Variants in SZT2 observed in about 807,000 individuals in gnomAD.
The protein encoded by SZT2 is SZT2 subunit of KICSTOR complex.
Under a neutral mutation model 404.2 loss-of-function variants are expected in SZT2, and 216 were observed. That is an observed-to-expected ratio of 0.53 (90% CI 0.48 to 0.60). SZT2 has a LOEUF of 0.60. Among genes scored for constraint, SZT2 ranks in the 20% least tolerant of loss-of-function variants. The probability of loss-of-function intolerance (pLI) is 0.00; values close to 1 mark genes in which losing one functional copy is unlikely to be tolerated. For synonymous variants in SZT2, 1,693 were observed against 1,749.9 expected (o/e 0.97, Z 0.81); for missense variants, 3,857 against 4,459.2 (o/e 0.86, Z 3.85).
rs377246498 is a variant in SZT2, at chr1:43,450,182, G to C, written c.10155+11G>C. 9 of 1,614,010 alleles carry C rather than the reference G, an allele frequency of 5.6e-6. No homozygotes were observed. The African/African-American group carries it at 6.7e-5, about 12-fold the overall frequency. ...CACTTAGGAAAGACGGTAAGAACGA[G>C]TGGGGGGCTTTGTGTCAGCCTCATG... On this transcript the variant is annotated intron_variant, in intron 71 of 71. Transcript: ENST00000634258. This position sits in a 1 kb window ranked among gnomAD's most constrained non-coding sequence, Gnocchi z 4.3.
In SZT2 at chr1:43,422,480, A is replaced by G; in HGVS notation, c.1770A>G (p.Thr590=). Residue 590 remains threonine, a splice_region_variant and synonymous_variant, in exon 13 of 72, where the codon ACA becomes ACG. Coordinates refer to ENST00000634258, the MANE Select transcript of SZT2 (RefSeq NM_001365999.1). ...CCTCAGTCCACACCCCTCTTCCTAG[A>G]CCAATCCCCAAGCACTTGCACACCC... ...HRLVLILEHD[T]PIPKHLHTPG... is the part of the protein sequence containing the mutation. 6.3e-7 allele frequency: 1 copy of G among 1,583,990 alleles called. No homozygotes were observed. Among genetic ancestry groups the G allele is most frequent in the Non-Finnish European group, 8.5e-7 (1 of 1,172,464 alleles).
At position 43,454,073 on chromosome 1, in the gene SZT2, G is replaced by C; in HGVS notation, c.*3593G>C. The C allele has an allele frequency of 8.9e-7, 1 of 1,120,288 alleles. No individual in the cohort carries two copies. The highest frequency in any genetic ancestry group is 1.1e-6 in the Non-Finnish European group (1 of 917,430). 69.4% of individuals were successfully genotyped at this position (1,120,288 alleles called of 1,614,324 possible). On this transcript the variant is annotated 3_prime_UTR_variant, in exon 72 of 72. Transcript: ENST00000634258. ...GAGAAGGTAGGGAGGCCGAGCTCCA[G>C]GGCCTGAGAGCCGGACGCGAAGCAA...
At chr1:43,443,935 C>T in intron 62 of SZT2, 139 bp downstream of exon 62, 1 of 1,034,444 alleles carries the variant, frequency 9.7e-7, no homozygotes, top group Non-Finnish European at 1.4e-6. Flanking sequence ...CAGGCTTGCA[C>T]TCATGTGAGG....
In SZT2 at chr1:43,424,493, C is replaced by T. The variant is rs1331224986; in HGVS notation, c.2471+61C>T. ...AGGAGAGAGCAAGTGTAGACTGGGACACTAGCAAAAAGCCTATAGCACACA... is the reference window on the plus strand; with the variant it reads ...AGGAGAGAGCAAGTGTAGACTGGGATACTAGCAAAAAGCCTATAGCACACA... On this transcript the variant is annotated intron_variant, in intron 16 of 71. Transcript: ENST00000634258. The surrounding 1 kb of genome is among the most constrained non-coding windows in gnomAD (Gnocchi z 4.1). 1 of 1,531,802 alleles carries T rather than the reference C, an allele frequency of 6.5e-7. No homozygotes were observed. Among genetic ancestry groups the T allele is most frequent in the African/African-American group, 1.4e-5 (1 of 73,214 alleles). The allele number at this position is 1,531,802 out of a possible 1,614,324, so 94.9% of individuals were successfully genotyped here. A position where few individuals can be genotyped will look rare whatever the true frequency, so the allele number is the denominator to read the frequency against.
Position 43,453,711 on chromosome 1 carries a change from C to A in SZT2, c.*3231C>A. The A allele has an allele frequency of 7.1e-7, 1 of 1,407,018 alleles. No individual in the cohort carries two copies. The highest frequency in any genetic ancestry group is 9.2e-7 in the Non-Finnish European group (1 of 1,090,974). 87.2% of individuals were successfully genotyped at this position (1,407,018 alleles called of 1,614,324 possible). ...CTCGACGGCCTCGAAGCCCGAGCTG[C>A]CCGCGGCCCGCACCCGCGCGGGGAG... is the stretch of plus-strand genomic sequence containing the variant. On this transcript the variant is annotated 3_prime_UTR_variant, in exon 72 of 72. Transcript: ENST00000634258.
At chr1:43,438,252 A>G in intron 46 of SZT2, 1 of 358,880 alleles carries the variant, frequency 2.8e-6, no homozygotes, top group East Asian at 6.8e-5. Context: ...GTGGCTGGAG[A>G]ACTGGTGGTG....
At chr1:43,399,420 T>A (rs543282158) in intron 1 of SZT2, among the ~76,000 whole-genome samples, 1 of 151,958 alleles carries the variant, frequency 6.6e-6, no homozygotes, top group African/African-American at 2.4e-5. Flanking sequence ...TAGTTGTTAG[T>A]CTGCGGTGGG....
chr1:43,422,798 A>G lies in SZT2; in HGVS notation c.1952A>G (p.Tyr651Cys), dbSNP rs768607703. Residue 651 changes from tyrosine (Y) to cysteine (C), a missense_variant, in exon 14 of 72, where the codon TAC (tyrosine) becomes TGC (cysteine). Around this residue, in one of 7 missense-constraint regions of SZT2, gnomAD observed 1,725 missense variants for 1,881.0 expected, o/e 0.92. Coordinates refer to ENST00000634258, the MANE Select transcript of SZT2 (RefSeq NM_001365999.1). ...CCAGACCAGCCCCCCAATTCCTTCT[A>G]CATGGTCCGTATCATTTCCAAGGCC... ...SAPDQPPNSF[Y>C]MVRIISKAPC... 3.1e-6 allele frequency: 5 copies of G among 1,591,612 alleles called. No homozygotes were observed. Among genetic ancestry groups the G allele is most frequent in the Non-Finnish European group, 4.2e-6 (5 of 1,176,944 alleles).
chr1:43,393,148 A>G (rs1404138819), intron 1 of SZT2, among the ~76,000 whole-genome samples: 1 of 152,240 alleles, frequency 6.6e-6, no homozygotes, highest in Admixed American at 6.5e-5. Flanking sequence ...CCTGAAGAAT[A>G]GGTAGAAGTT....
chr1:43,442,313 C>G lies in SZT2; in HGVS notation c.7919C>G (p.Ser2640Ter), dbSNP rs1476046561. 4 of 1,613,978 alleles carry G rather than the reference C, an allele frequency of 2.5e-6. No homozygotes were observed. The stretch of plus-strand genomic sequence containing the variant: ...TTCGAGCCAGGAGGTGATGGGAGCT[C>G]AGGGCGAAATGCTCCCCGGCAGAGG... ...QRFEPGGDGS[S>*]GRNAPRQRLL... Residue 2640 changes from serine (S) to a stop codon, truncating the protein, a stop_gained, in exon 57 of 72, where the codon TCA becomes TGA. Transcript: ENST00000634258. LOFTEE classifies it high-confidence loss of function. The surrounding 1 kb of genome is among the most constrained non-coding windows in gnomAD (Gnocchi z 4.5).
chr1:43,431,952 TG>T (rs1557571491), intron 36 of SZT2, 51 bp downstream of exon 36: 1 of 1,598,512 alleles, frequency 6.3e-7, no homozygotes, highest in Non-Finnish European at 8.6e-7. Context: ...CGTCCTTCCC[TG>T]GGCCCCAGGC....
rs1270310559 is a variant in SZT2, at chr1:43,442,044, T to C, written c.7787T>C (p.Leu2596Pro). Residue 2596 changes from leucine (L) to proline (P), a missense_variant, in exon 56 of 72, where the codon CTG becomes CCG. This residue lies in a region of SZT2 where 573 missense variants were observed against 592.4 expected (regional missense o/e 0.97). Coordinates refer to ENST00000634258, the MANE Select transcript of SZT2 (RefSeq NM_001365999.1). The surrounding 1 kb of genome is among the most constrained non-coding windows in gnomAD (Gnocchi z 4.5). ...TTCGGCCCTTGTTCCCCTGGGCAACTGGGCCCCTCTCCCCGCCCTGCAGCT... is the reference window on the plus strand; with the variant it reads ...TTCGGCCCTTGTTCCCCTGGGCAACCGGGCCCCTCTCCCCGCCCTGCAGCT... Reference protein sequence around the residue: ...EIFGPCSPGQLGPSPRPAAER... With the variant: ...EIFGPCSPGQPGPSPRPAAER... The C allele has an allele frequency of 6.8e-6, 11 of 1,613,728 alleles. No individual in the cohort carries two copies. Among genetic ancestry groups the C allele is most frequent in the Admixed American group, 3.3e-5 (2 of 59,992 alleles).
chr1:43,401,556 G>A (rs1294644694), intron 1 of SZT2, among the ~76,000 whole-genome samples: 2 of 151,220 alleles, frequency 1.3e-5, no homozygotes, highest in Admixed American at 6.6e-5. Context: ...GTGTGATCTC[G>A]GCTCACTGCA....
At chr1:43,413,512 T>C (rs963882260) in intron 4 of SZT2, among the ~76,000 whole-genome samples, 3 of 152,232 alleles carry the variant, frequency 2.0e-5, no homozygotes, top group Non-Finnish European at 4.4e-5. Context: ...CCATGTTTAT[T>C]ACAGCACTAT....
At position 43,443,687 on chromosome 1, in the gene SZT2, G is replaced by T. The variant is rs749175955; in HGVS notation, c.8716G>T (p.Glu2906Ter). ...TGTGTCGCCCCCGGGAGCCCGTGAGGAGCCTTGGCTGAAGGAGCTGAGCTT... is the reference window on the plus strand; with the variant it reads ...TGTGTCGCCCCCGGGAGCCCGTGAGTAGCCTTGGCTGAAGGAGCTGAGCTT... ...LDVSPPGARE[E>*]PWLKELSLAF... Residue 2906 changes from glutamate (E) to a stop codon, truncating the protein, a stop_gained, in exon 62 of 72, where the codon GAG becomes TAG. Transcript: ENST00000634258. LOFTEE classifies it high-confidence loss of function. 2.5e-6 allele frequency: 4 copies of T among 1,614,226 alleles called. No homozygotes were observed. The highest frequency in any genetic ancestry group is 3.4e-6 in the Non-Finnish European group (4 of 1,180,040).
chr1:43,426,733 T>G lies in SZT2; in HGVS notation c.3233T>G (p.Leu1078Arg), dbSNP rs1003469390. 4.3e-6 allele frequency: 7 copies of G among 1,612,728 alleles called. No homozygotes were observed. Among genetic ancestry groups the G allele is most frequent in the Non-Finnish European group, 5.1e-6 (6 of 1,179,510 alleles). The change falls in exon 23 of 72, where the codon CTG (leucine) becomes CGG (arginine). Residue 1078 changes from leucine (L) to arginine (R), a missense_variant. By Grantham distance (102) the Leu-to-Arg change is moderately radical (BLOSUM62 -2). Transcript: ENST00000634258. The surrounding 1 kb of genome is among the most constrained non-coding windows in gnomAD (Gnocchi z 4.9). The part of the protein sequence containing the change: ...CHVPGAEGPL[L>R]GVHGIPKEQA... ...ATTGTAGGTGCCGAGGGGCCACTGC[T>G]GGGGGTTCATGGGATCCCGAAGGAG...
At chr1:43,403,406 G>A in intron 2 of SZT2, 104 bp downstream of exon 2, 1 of 1,494,440 alleles carries the variant, frequency 6.7e-7, no homozygotes, top group Non-Finnish European at 9.0e-7. Context: ...TCTTAAGTCT[G>A]GTTAGGGCAA....
At position 43,389,913 on chromosome 1, in the gene SZT2, AG is replaced by A; in HGVS notation, c.-52del. The A allele has an allele frequency of 6.5e-7, 1 of 1,538,144 alleles. No homozygotes were observed. ...TGCTGGGTGCCGAGGTAGCGAGGTC[AG>A]GGGTCAAGAGTGGAACACCCTCACT... On this transcript the variant is annotated 5_prime_UTR_variant, in exon 1 of 72. Coordinates refer to ENST00000634258, the MANE Select transcript of SZT2 (RefSeq NM_001365999.1).
rs1428112812 is a variant in SZT2, at chr1:43,451,318, G to C, written c.*838G>C. The C allele has an allele frequency of 3.7e-6, 6 of 1,613,684 alleles. No individual in the cohort carries two copies. The South Asian group carries it at 4.4e-5, about 12-fold the overall frequency. On this transcript the variant is annotated 3_prime_UTR_variant, in exon 72 of 72. Coordinates refer to ENST00000634258, the MANE Select transcript of SZT2 (RefSeq NM_001365999.1). Reference sequence around the variant, plus strand: ...AAGCCCTCTACTGTGTCTCCTGCAGGGAGAGGGAGGCCTCGGCACCTCAGC... The same window carrying C: ...AAGCCCTCTACTGTGTCTCCTGCAGCGAGAGGGAGGCCTCGGCACCTCAGC...
Sources: gnomAD v4.1 joint callset for allele counts (sites outside exome capture counted in the v4.1 genomes callset) on GRCh38, gnomAD v4.1.1 for gene constraint, gnomAD v4.1.1 regional missense constraint, Gnocchi (gnomAD v3.1) non-coding constraint, MANE v1.5 for transcripts, NCBI Gene and HGNC (gene_info 2026-07-23, HGNC 2026-07-21) for gene names.